Variants in LNX1 observed in about 807,000 individuals in gnomAD.
LNX1 encodes E3 ubiquitin-protein ligase LNX.
LNX1 carries 54 observed loss-of-function variants against 68.4 expected under a neutral mutation model. The observed-to-expected ratio is 0.79, with a 90% CI of 0.63 to 0.99. The LOEUF (loss-of-function observed/expected upper bound fraction) is 0.99, where lower values mean the gene tolerates loss of function less well. Among genes scored for constraint, LNX1 ranks in the 50% least tolerant of loss-of-function variants. The pLI, the probability that LNX1 is intolerant of heterozygous loss-of-function variation, is 0.00. For synonymous variants in LNX1, 336 were observed against 350.0 expected (o/e 0.96, Z 0.45); for missense variants, 906 against 926.4 (o/e 0.98, Z 0.29).
intron 1 of LNX1, among the ~76,000 whole-genome samples, chr4:53,574,661 G>A (rs1731374030): frequency 6.6e-6 from 1 of 152,214 alleles, no homozygotes. Flanking sequence ...TAGTGGCTAA[G>A]TGGGCTCTGG....
At chr4:53,588,328 T>C (rs1420199044) in intron 1 of LNX1, among the ~76,000 whole-genome samples, 1 of 152,188 alleles carries the variant, frequency 6.6e-6, no homozygotes, top group Admixed American at 6.5e-5. Context: ...CAAGTAACAC[T>C]GTGGCAGGTA....
At chr4:53,478,451 T>C (rs567948162) in intron 8 of LNX1, 114 bp downstream of exon 8, 57 of 924,632 alleles carry the variant, frequency 6.2e-5, no homozygotes, top group Middle Eastern at 6.9e-4. Context: ...ACAAAAGTCC[T>C]GGCCGATCAC....
At chr4:53,468,358 G>C (rs1722867425) in intron 9 of LNX1, among the ~76,000 whole-genome samples, 1 of 152,172 alleles carries the variant, frequency 6.6e-6, no homozygotes, top group Non-Finnish European at 1.5e-5. Context: ...AATATGGAAA[G>C]GAACAACCGT....
intron 2 of LNX1, among the ~76,000 whole-genome samples, chr4:53,615,511 G>A (rs1274840386): frequency 6.6e-6 from 1 of 152,168 alleles, no homozygotes; most frequent in African/African-American, 2.4e-5. Context: ...TGAGGCTCTA[G>A]CCAATCGCCA....
chr4:53,573,543 C>T, intron 2 of LNX1, 80 bp downstream of exon 2: 1 of 897,892 alleles, frequency 1.1e-6, no homozygotes, highest in Non-Finnish European at 1.7e-6. Flanking sequence ...GGTTGGAAGC[C>T]CTCAGGAGAC....
At chr4:53,549,699 A>G (rs1427338867) in intron 2 of LNX1, 3 of 152,192 alleles carry the variant, frequency 2.0e-5, no homozygotes, top group African/African-American at 7.2e-5. Flanking sequence ...GGAGATATCG[A>G]TAAGATGGCC....
chr4:53,548,667 T>C (rs1356838021), intron 2 of LNX1, among the ~76,000 whole-genome samples: 1 of 152,160 alleles, frequency 6.6e-6, no homozygotes. Context: ...AGCAATCCCA[T>C]TACTGGGTAT....
At chr4:53,622,186 T>C (rs1430518586), upstream of LNX1, among the ~76,000 whole-genome samples, 1 of 152,196 alleles carries the variant, frequency 6.6e-6, no homozygotes, top group Non-Finnish European at 1.5e-5. Context: ...AACTGTTGAA[T>C]GGAATCTGCT....
intron 2 of LNX1, among the ~76,000 whole-genome samples, chr4:53,568,355 T>G (rs1160271642): frequency 6.6e-6 from 1 of 151,726 alleles, no homozygotes; most frequent in Non-Finnish European, 1.5e-5. Context: ...CGCAAATCAA[T>G]AAATGTAATC....
intron 1 of LNX1, 104 bp from the exon 2 acceptor site, chr4:53,574,192 C>T (rs986246061): frequency 9.2e-5 from 85 of 920,788 alleles, no homozygotes; most frequent in Non-Finnish European, 1.2e-4. Context: ...AATTGAGCTA[C>T]GATTCAGAAA....
chr4:53,544,436 C>A (rs1728960713), intron 2 of LNX1, among the ~76,000 whole-genome samples: 1 of 151,916 alleles, frequency 6.6e-6, no homozygotes, highest in Non-Finnish European at 1.5e-5. Context: ...CTCAGGTGAT[C>A]CACCCCTTCG....
At chr4:53,501,747 C>T (rs1487879611) in intron 4 of LNX1, 2 of 152,088 alleles carry the variant, frequency 1.3e-5, no homozygotes, top group South Asian at 4.1e-4. Context: ...GCAATGAGGC[C>T]CTCTGGCCAT....
intron 2 of LNX1, among the ~76,000 whole-genome samples, chr4:53,544,349 A>G (rs1728955852): frequency 6.6e-6 from 1 of 152,148 alleles, no homozygotes; most frequent in South Asian, 2.1e-4. Flanking sequence ...GCATGCCACC[A>G]TGCCTGGCTA....
At chr4:53,517,175 G>T (rs769283764) in intron 2 of LNX1, among the ~76,000 whole-genome samples, 8 of 152,042 alleles carry the variant, frequency 5.3e-5, no homozygotes, top group Admixed American at 1.3e-4. Context: ...GCAGCTAATT[G>T]TTTTCTTGCT....
intron 2 of LNX1, among the ~76,000 whole-genome samples, chr4:53,598,718 CGTT>C (rs77358790): frequency 0.01 from 1,543 of 152,280 alleles, 15 homozygotes; most frequent in Non-Finnish European, 0.015. Flanking sequence ...AGGGCTTACT[CGTT>C]GTTAAGTTAC....
chr4:53,459,402 G>C lies in LNX1; in HGVS notation c.*1505C>G. On this transcript the variant is annotated 3_prime_UTR_variant, in exon 11 of 11. Transcript: ENST00000263925. ...CAAAGAAGGAAAAGAAGCGGGCAGT[G>C]AGCCTGCCCCTGAACAGGAGAGCAC... 6.2e-7 allele frequency: 1 copy of C among 1,612,958 alleles called. No homozygotes were observed. The highest frequency in any genetic ancestry group is 8.5e-7 in the Non-Finnish European group (1 of 1,179,572).
rs774820461 is a variant in LNX1 at position 53,507,473 on chromosome 4, AG to A, written c.623-5del. On this transcript the variant is annotated splice_region_variant and splice_polypyrimidine_tract_variant and intron_variant, in intron 3 of 10. Transcript: ENST00000263925. Reference sequence around the variant, plus strand: ...GTGGATCTCTCAAAGGGCCGTGCTGAGGAATAGCGACAGGAGGAACAGTAGT... The same window carrying A: ...GTGGATCTCTCAAAGGGCCGTGCTGAGAATAGCGACAGGAGGAACAGTAGT... 3 of 1,613,596 alleles carry A rather than the reference AG, an allele frequency of 1.9e-6. No homozygotes were observed. Among genetic ancestry groups the A allele is most frequent in the Non-Finnish European group, 1.7e-6 (2 of 1,179,628 alleles).
At chr4:53,469,388 G>A (rs1304661397) in intron 9 of LNX1, among the ~76,000 whole-genome samples, 1 of 152,080 alleles carries the variant, frequency 6.6e-6, no homozygotes, top group African/African-American at 2.4e-5. Flanking sequence ...AGAGAAAGCA[G>A]GAAAGATCTA....
chr4:53,539,816 G>A (rs1728626177), intron 2 of LNX1, among the ~76,000 whole-genome samples: 2 of 152,194 alleles, frequency 1.3e-5, no homozygotes, highest in South Asian at 4.1e-4. Flanking sequence ...TCAGCTTTTG[G>A]AGGACAGGGA....
Sources: gnomAD v4.1 joint callset for allele counts (sites outside exome capture counted in the v4.1 genomes callset) on GRCh38, gnomAD v4.1.1 for gene constraint, MANE v1.5 for transcripts, NCBI Gene and HGNC (gene_info 2026-07-23, HGNC 2026-07-21) for gene names.